ABHD16A: variants seen among roughly 807,000 people sequenced by gnomAD.
The protein encoded by ABHD16A is phosphatidylserine lipase ABHD16A.
Under a neutral mutation model 89.8 loss-of-function variants are expected in ABHD16A, and 47 were observed. That is an observed-to-expected ratio of 0.52 (90% CI 0.41 to 0.67). ABHD16A has a LOEUF of 0.67. ABHD16A is among the 30% of genes least tolerant of loss of function. The probability of loss-of-function intolerance (pLI) is 0.00; values close to 1 mark genes in which losing one functional copy is unlikely to be tolerated. For synonymous variants in ABHD16A, 251 were observed against 280.4 expected, an observed-to-expected ratio of 0.90 and a Z score of 1.05; for missense variants, 580 against 734.6, an observed-to-expected ratio of 0.79 and a Z score of 2.43.
chr6:31,689,940 C>T, intron 11 of ABHD16A, 138 bp downstream of exon 11: 1 of 1,191,008 alleles, frequency 8.4e-7, no homozygotes, highest in Non-Finnish European at 1.2e-6. Flanking sequence ...ATGCTGCCTT[C>T]ACAACCTCCT....
Position 31,703,247 on chromosome 6 carries a change from C to T in ABHD16A, c.35G>A (p.Arg12Gln). The change falls in exon 1 of 20, where the codon CGG (arginine) becomes CAG (glutamine). Residue 12 changes from arginine (R) to glutamine (Q), a missense_variant. By Grantham distance (43) the Arg-to-Gln change is conservative (BLOSUM62 1). Coordinates refer to ENST00000395952, the MANE Select transcript of ABHD16A (RefSeq NM_021160.3). ...CCTCTCCCGGTAGATTTTGTAGAGC[C>T]GGGGGCCTAGGACGCAGCTCAGCAG... ...AKLLSCVLGP[R>Q]LYKIYRERDS... 1 of 1,424,086 alleles carries T rather than the reference C, an allele frequency of 7.0e-7. No homozygotes were observed. The highest frequency in any genetic ancestry group is 9.3e-7 in the Non-Finnish European group (1 of 1,077,322). The allele number at this position is 1,424,086 out of a possible 1,614,324, so 88.2% of individuals were successfully genotyped here.
chr6:31,697,846 A>G (rs1177482254), intron 4 of ABHD16A, among the ~76,000 whole-genome samples: 1 of 152,106 alleles, frequency 6.6e-6, no homozygotes, highest in African/African-American at 2.4e-5. Context: ...CACACGGGAG[A>G]CTCAGCAGGA....
At chr6:31,701,478 T>C in intron 2 of ABHD16A, 138 bp from the exon 3 acceptor site, 1 of 707,774 alleles carries the variant, frequency 1.4e-6, no homozygotes, top group South Asian at 1.8e-5. Flanking sequence ...ACACCATGAA[T>C]ACAGTAGGTG....
At chr6:31,692,043 C>T in intron 7 of ABHD16A, 125 bp from the exon 8 acceptor site, 1 of 717,418 alleles carries the variant, frequency 1.4e-6, no homozygotes, top group Non-Finnish European at 2.3e-6. Context: ...CACAGCTTTA[C>T]TTTCCTCTTT....
In ABHD16A at chr6:31,689,081, T is replaced by C. The variant is rs1204203797; in HGVS notation, c.1120A>G (p.Met374Val). ...AAMSYPDVSA[M>V]ILDASFDDLV... is the part of the protein sequence containing the mutation. ...TCATCAAAGGAGGCATCCAGGATCA[T>C]GGCACTAACATCTGGGTAGGACATG... is the stretch of plus-strand genomic sequence containing the variant. Residue 374 changes from methionine to valine, a missense_variant, in exon 13 of 20, where the codon ATG becomes GTG. By Grantham distance (21) the Met-to-Val change is conservative. This residue lies in a region of ABHD16A where 415 missense variants were observed against 568.8 expected (regional missense o/e 0.73). Transcript: ENST00000395952. The C allele has an allele frequency of 6.2e-7, 1 of 1,614,092 alleles. No individual in the cohort carries two copies. Among genetic ancestry groups the C allele is most frequent in the Non-Finnish European group, 8.5e-7 (1 of 1,180,010 alleles).
intron 5 of ABHD16A, among the ~76,000 whole-genome samples, chr6:31,695,621 G>A (rs1465287896): frequency 6.6e-6 from 1 of 152,150 alleles, no homozygotes; most frequent in Non-Finnish European, 1.5e-5. Flanking sequence ...TACTTGGGAG[G>A]CTGAGGCAGG....
At position 31,703,192 on chromosome 6, in the gene ABHD16A, AG is replaced by A; in HGVS notation, c.89del (p.Pro30LeufsTer59). 7.0e-7 allele frequency: 1 copy of A among 1,438,686 alleles called. No individual in the cohort carries two copies. The highest frequency in any genetic ancestry group is 9.2e-7 in the Non-Finnish European group (1 of 1,089,066). 89.1% of individuals were successfully genotyped at this position (1,438,686 alleles called of 1,614,324 possible). A position where few individuals can be genotyped will look rare whatever the true frequency, so the allele number is the denominator to read the frequency against. ...RDSERAPASV[P>X]ETPTAVTAPH... ...GGGCAGTGACTGCCGTTGGCGTCTC[AG>A]GGACGCTGGCCGGGGCCCTTTCAGA... On this transcript the variant is annotated frameshift_variant, in exon 1 of 20. Transcript: ENST00000395952. LOFTEE classifies it high-confidence loss of function.
intron 4 of ABHD16A, 75 bp downstream of exon 4, chr6:31,700,867 A>G (rs974126473): frequency 7.7e-7 from 1 of 1,297,806 alleles, no homozygotes; most frequent in African/African-American, 1.5e-5. Context: ...ACTAAAATGT[A>G]TTTGCACAAG....
chr6:31,696,062 G>A (rs1804359651), intron 5 of ABHD16A, among the ~76,000 whole-genome samples: 1 of 151,966 alleles, frequency 6.6e-6, no homozygotes, highest in Non-Finnish European at 1.5e-5. Context: ...TACTCAGGGG[G>A]CTGAGGCAGG....
intron 11 of ABHD16A, 109 bp from the exon 12 acceptor site, chr6:31,689,813 G>A (rs1215580722): frequency 1.4e-6 from 2 of 1,456,382 alleles, no homozygotes; most frequent in South Asian, 1.4e-5. Flanking sequence ...CAGAGAAGGT[G>A]TAGAAGGAAG....
intron 4 of ABHD16A, among the ~76,000 whole-genome samples, chr6:31,699,251 C>A (rs1266073): frequency 0.37 from 56,311 of 151,084 alleles, 11,457 homozygotes; most frequent in African/African-American, 0.54. Flanking sequence ...CTAAAAAATA[C>A]AAAAAAACCT....
intron 1 of ABHD16A, 197 bp downstream of exon 1, chr6:31,702,953 A>G: frequency 1.5e-6 from 2 of 1,297,434 alleles, no homozygotes; most frequent in African/African-American, 1.5e-5. Flanking sequence ...GAAAGCGGTA[A>G]AGAGCGAAAA....
rs1220399834 is a variant in ABHD16A at position 31,703,196 on chromosome 6, A to G, written c.86T>C (p.Val29Ala). The G allele has an allele frequency of 7.0e-7, 1 of 1,438,222 alleles. No homozygotes were observed. Among genetic ancestry groups the G allele is most frequent in the South Asian group, 1.5e-5 (1 of 66,706 alleles). The allele number at this position is 1,438,222 out of a possible 1,614,324, so 89.1% of individuals were successfully genotyped here. A position where few individuals can be genotyped will look rare whatever the true frequency, so the allele number is the denominator to read the frequency against. ...ERDSERAPAS[V>A]PETPTAVTAP... Reference sequence around the variant, plus strand: ...AGTGACTGCCGTTGGCGTCTCAGGGACGCTGGCCGGGGCCCTTTCAGAGTC... The same window carrying G: ...AGTGACTGCCGTTGGCGTCTCAGGGGCGCTGGCCGGGGCCCTTTCAGAGTC... Residue 29 changes from valine (V) to alanine (A), a missense_variant, in exon 1 of 20, where the codon GTC becomes GCC. By Grantham distance (64) the Val-to-Ala change is moderately conservative. This residue lies in a region of ABHD16A where 165 missense variants were observed against 165.8 expected (regional missense o/e 1.00). Coordinates refer to ENST00000395952, the MANE Select transcript of ABHD16A (RefSeq NM_021160.3).
rs112345097 is a variant in ABHD16A at position 31,697,639 on chromosome 6, C to T, written c.344-606G>A. Among the ~76,000 whole-genome samples, 1,183 of 152,312 alleles carry T rather than the reference C, an allele frequency of 7.8e-3. 12 individuals carry two copies. Among genetic ancestry groups the T allele is most frequent in the Non-Finnish European group, 0.012 (789 of 68,030 alleles). On this transcript the variant is annotated intron_variant, in intron 4 of 19. Transcript: ENST00000395952. ...TCCTTGACTCCTTCCAGTTCCTGAA[C>T]AGTTCCTCTCCTGCCTCCTTTCTGC... is the stretch of plus-strand genomic sequence containing the variant.
intron 4 of ABHD16A, among the ~76,000 whole-genome samples, chr6:31,699,408 CAAAAAAA>C (rs9281558): frequency 5.5e-5 from 3 of 54,264 alleles, no homozygotes; most frequent in Non-Finnish European, 8.0e-5. Context: ...GACTCCGTCT[CAAAAAAA>C]AAAAAAAAAA....
At position 31,689,953 on chromosome 6, in the gene ABHD16A, A is replaced by G; in HGVS notation, c.957+125T>C. 6 of 1,232,652 alleles carry G rather than the reference A, an allele frequency of 4.9e-6. No individual in the cohort carries two copies. In the South Asian group the frequency reaches 7.9e-5, roughly 16 times the overall value. The allele number at this position is 1,232,652 out of a possible 1,614,324, so 76.4% of individuals were successfully genotyped here. A position where few individuals can be genotyped will look rare whatever the true frequency, so the allele number is the denominator to read the frequency against. On this transcript the variant is annotated intron_variant, in intron 11 of 19. Transcript: ENST00000395952. ...CAATGCTGCCTTCACAACCTCCTAG[A>G]CCCCAGCCCTCAGGTGAGTGGGACG...
chr6:31,687,414 C>G lies in ABHD16A; in HGVS notation c.1593+84G>C. 1 of 1,609,282 alleles carries G rather than the reference C, an allele frequency of 6.2e-7. No individual in the cohort carries two copies. Among genetic ancestry groups the G allele is most frequent in the Non-Finnish European group, 8.5e-7 (1 of 1,176,684 alleles). On this transcript the variant is annotated intron_variant, in intron 19 of 19. Transcript: ENST00000395952. The surrounding 1 kb of genome is among the most constrained non-coding windows in gnomAD (Gnocchi z 6.3). Reference sequence around the variant, plus strand: ...ACCCACTCTACAAAAGCTGCCACTTCCAATGCTTATAGGGTATCCCCAGTC... The same window carrying G: ...ACCCACTCTACAAAAGCTGCCACTTGCAATGCTTATAGGGTATCCCCAGTC...
intron 2 of ABHD16A, 112 bp downstream of exon 2, chr6:31,701,962 C>G (rs1805051977): frequency 1.2e-5 from 14 of 1,206,122 alleles, no homozygotes; most frequent in Non-Finnish European, 1.5e-5. Context: ...CTGCAGAGCC[C>G]AGGGCATCCC....
rs906014667 is a variant in ABHD16A at position 31,696,192 on chromosome 6, G to A, written c.429+756C>T. Reference sequence around the variant, plus strand: ...AAAAAAAAAAAAAAATTAACTGGGCGTGGTGGTGTGCACCTGTAATTCCAG... The same window carrying A: ...AAAAAAAAAAAAAAATTAACTGGGCATGGTGGTGTGCACCTGTAATTCCAG... On this transcript the variant is annotated intron_variant, in intron 5 of 19. Transcript: ENST00000395952. Among the ~76,000 whole-genome samples the A allele has an allele frequency of 6.6e-5, 10 of 151,554 alleles. No homozygotes were observed. In the South Asian group the frequency reaches 1.0e-3, roughly 16 times the overall value.
Sources: allele counts gnomAD v4.1 joint callset (sites outside exome capture counted in the v4.1 genomes callset), GRCh38; gene constraint gnomAD v4.1.1; regional missense constraint gnomAD v4.1.1; non-coding constraint Gnocchi (gnomAD v3.1); transcripts MANE v1.5; gene names NCBI Gene and HGNC (gene_info 2026-07-23, HGNC 2026-07-21).